Variants in CABLES1 observed in about 807,000 individuals in gnomAD.
CABLES1 encodes the protein Cdk5 and Abl enzyme substrate 1, also known as CDK5 and ABL1 enzyme substrate 1.
A neutral mutation model predicts 57.8 loss-of-function variants in CABLES1; 36 were observed. The observed-to-expected ratio is 0.62, with a 90% CI of 0.48 to 0.82. The LOEUF is 0.82. Among genes scored for constraint, CABLES1 ranks in the 40% least tolerant of loss-of-function variants. The probability of loss-of-function intolerance (pLI) is 0.00; values close to 1 mark genes in which losing one functional copy is unlikely to be tolerated. For missense variants in CABLES1, 767 were observed against 836.6 expected (o/e 0.92, Z 1.03); for synonymous variants, 374 against 363.0 (o/e 1.03, Z -0.35).
chr18:23,209,670 T>C (rs1009300209), intron 3 of CABLES1, among the ~76,000 whole-genome samples: 8 of 152,306 alleles, frequency 5.3e-5, no homozygotes, highest in Admixed American at 1.3e-4. Flanking sequence ...ATATTTCTGT[T>C]GTAATGGAAC....
chr18:23,219,595 C>T (rs1207613004), intron 4 of CABLES1, among the ~76,000 whole-genome samples: 1 of 152,192 alleles, frequency 6.6e-6, no homozygotes, highest in Non-Finnish European at 1.5e-5. Context: ...ACTCAGCATC[C>T]AGACCACTGT....
chr18:23,237,945 G>A (rs1022212523), intron 7 of CABLES1, among the ~76,000 whole-genome samples: 3 of 152,040 alleles, frequency 2.0e-5, no homozygotes, highest in African/African-American at 4.8e-5. Context: ...AGGGGGAGCT[G>A]CACTTTCAGA....
intron 5 of CABLES1, among the ~76,000 whole-genome samples, chr18:23,235,281 TG>T (rs2047595465): frequency 6.6e-6 from 1 of 152,224 alleles, no homozygotes; most frequent in Non-Finnish European, 1.5e-5. Flanking sequence ...AAGTGTTTCT[TG>T]GGGAATCTGT....
chr18:23,160,039 C>CT (rs869231402), intron 1 of CABLES1, among the ~76,000 whole-genome samples: 402 of 140,872 alleles, frequency 2.9e-3, no homozygotes, highest in African/African-American at 4.9e-3. Context: ...CAAGCAAGAA[C>CT]TTTTTTTTTT....
intron 1 of CABLES1, among the ~76,000 whole-genome samples, chr18:23,176,096 G>A (rs1425836385): frequency 2.6e-5 from 4 of 152,172 alleles, no homozygotes; most frequent in Admixed American, 6.5e-5. Context: ...GATGACGAGA[G>A]GGTGAGGCAG....
At chr18:23,254,294 A>G (rs1161455992) in intron 9 of CABLES1, among the ~76,000 whole-genome samples, 1 of 152,224 alleles carries the variant, frequency 6.6e-6, no homozygotes, top group Admixed American at 6.5e-5. Context: ...TTGCTTCAGT[A>G]AGACCTTGGC....
At chr18:23,151,371 G>T (rs2144961831) in intron 1 of CABLES1, among the ~76,000 whole-genome samples, 1 of 152,336 alleles carries the variant, frequency 6.6e-6, no homozygotes, top group South Asian at 2.1e-4. Context: ...AAGGAGGACA[G>T]ACATGGATGT....
chr18:23,152,486 A>ATTTTT (rs67308509), intron 1 of CABLES1, among the ~76,000 whole-genome samples: 1 of 134,858 alleles, frequency 7.4e-6, no homozygotes, highest in African/African-American at 2.8e-5. Flanking sequence ...GTTTGGTCTA[A>ATTTTT]TTTTTTTTTT....
chr18:23,200,483 C>T (rs1344734847), intron 3 of CABLES1, among the ~76,000 whole-genome samples: 5 of 152,082 alleles, frequency 3.3e-5, no homozygotes, highest in African/African-American at 4.8e-5. Context: ...AGGAAGGTCT[C>T]GATCTCCTGA....
chr18:23,245,728 A>G (rs2047860036), intron 7 of CABLES1, among the ~76,000 whole-genome samples: 1 of 152,198 alleles, frequency 6.6e-6, no homozygotes, highest in Non-Finnish European at 1.5e-5. Flanking sequence ...AGTGCCTTCC[A>G]TCTGACCTTC....
chr18:23,145,823 T>C (rs2046888622), intron 1 of CABLES1, among the ~76,000 whole-genome samples: 1 of 152,234 alleles, frequency 6.6e-6, no homozygotes, highest in Non-Finnish European at 1.5e-5. Context: ...TCATATTTAA[T>C]GAGGTTATCA....
chr18:23,215,303 G>A (rs1020329589), intron 4 of CABLES1, among the ~76,000 whole-genome samples: 13 of 152,164 alleles, frequency 8.5e-5, no homozygotes, highest in African/African-American at 2.7e-4. Flanking sequence ...CCCGGGTCTG[G>A]CTACATTGGA....
chr18:23,162,179 C>G (rs76666831), intron 1 of CABLES1, among the ~76,000 whole-genome samples: 1 of 151,632 alleles, frequency 6.6e-6, no homozygotes, highest in Non-Finnish European at 1.5e-5. Flanking sequence ...AAAAAAACAA[C>G]AAAGAGAATC....
At chr18:23,219,154 G>A (rs1190014178) in intron 4 of CABLES1, 5 of 454,020 alleles carry the variant, frequency 1.1e-5, no homozygotes, top group Non-Finnish European at 2.2e-5. Flanking sequence ...AGCACCTACT[G>A]TGTGCTGGGC....
At chr18:23,219,340 A>G (rs1248135044) in intron 4 of CABLES1, 7 of 454,018 alleles carry the variant, frequency 1.5e-5, no homozygotes, top group Admixed American at 7.0e-5. Flanking sequence ...GTCTGATTAG[A>G]GCAGAGGAAG....
chr18:23,150,417 T>C lies in CABLES1; in HGVS notation c.845+13810T>C, dbSNP rs537512815. On this transcript the variant is annotated intron_variant, in intron 1 of 9. Transcript: ENST00000256925. The stretch of plus-strand genomic sequence containing the variant: ...GTATTTAGTAGAGATGGGGTTTCAC[T>C]GTGTTAGCCAGGATGGTCTCAATCT... 3.3e-5 allele frequency among the ~76,000 whole-genome samples: 5 copies of C among 152,064 alleles called. No homozygotes were observed. The East Asian group carries it at 5.8e-4, about 18-fold the overall frequency.
intron 1 of CABLES1, among the ~76,000 whole-genome samples, chr18:23,156,393 C>T (rs972589779): frequency 4.6e-5 from 7 of 152,188 alleles, no homozygotes; most frequent in African/African-American, 1.4e-4. Flanking sequence ...GGAGGCCCAG[C>T]GGGCACCAAG....
chr18:23,143,503 C>A (rs1250148519), intron 1 of CABLES1, among the ~76,000 whole-genome samples: 3 of 152,242 alleles, frequency 2.0e-5, no homozygotes, highest in Non-Finnish European at 2.9e-5. Context: ...CTCAGCATCA[C>A]CCTTTCCCCA....
Position 23,210,372 on chromosome 18 carries a change from G to A in CABLES1, c.1011-3605G>A, listed in dbSNP as rs17797147. Among the ~76,000 whole-genome samples, 117 of 152,318 alleles carry A rather than the reference G, an allele frequency of 7.7e-4. 1 individual carries two copies. The highest frequency in any genetic ancestry group is 3.4e-3 in the Middle Eastern group (1 of 294). On this transcript the variant is annotated intron_variant, in intron 3 of 9. Coordinates refer to ENST00000256925, the MANE Select transcript of CABLES1 (RefSeq NM_001100619.3). ...TTGAGTGTAAGAGAAGAGAACCGCC[G>A]TGGTTGGAGGCAAAGACATGAGGGT...
Sources: gnomAD v4.1 joint callset for allele counts (sites outside exome capture counted in the v4.1 genomes callset) on GRCh38, gnomAD v4.1.1 for gene constraint, MANE v1.5 for transcripts, NCBI Gene and HGNC (gene_info 2026-07-23, HGNC 2026-07-21) for gene names.